Variants in EYA2 observed in about 807,000 individuals in gnomAD.
EYA2 encodes protein phosphatase EYA2.
A neutral mutation model predicts 69.2 loss-of-function variants in EYA2; 31 were observed. That is an observed-to-expected ratio of 0.45 (90% confidence interval 0.34 to 0.60). The LOEUF (loss-of-function observed/expected upper bound fraction) is 0.60. EYA2 is among the 20% of genes least tolerant of loss of function. The pLI is 0.02. For missense variants in EYA2, 622 were observed against 701.2 expected, an observed-to-expected ratio of 0.89 and a Z score of 1.28; for synonymous variants, 257 against 279.4, an observed-to-expected ratio of 0.92 and a Z score of 0.80.
intron 5 of EYA2, among the ~76,000 whole-genome samples, chr20:47,061,010 A>T (rs1053168320): frequency 1.1e-4 from 17 of 151,878 alleles, no homozygotes; most frequent in African/African-American, 3.9e-4. Flanking sequence ...GCCTGCCACC[A>T]TGCCCAGCTA....
intron 7 of EYA2, among the ~76,000 whole-genome samples, chr20:47,078,905 C>T (rs907433834): frequency 8.5e-5 from 13 of 152,186 alleles, no homozygotes; most frequent in Admixed American, 6.5e-4. Context: ...TTTAACTCAA[C>T]TATTCGACAT....
intron 5 of EYA2, among the ~76,000 whole-genome samples, chr20:47,064,715 C>T (rs2031043398): frequency 6.6e-6 from 1 of 152,054 alleles, no homozygotes; most frequent in Non-Finnish European, 1.5e-5. Flanking sequence ...AGTTTTCAGC[C>T]CAGACACTCG....
At chr20:46,956,266 G>A (rs1378782592) in intron 1 of EYA2, among the ~76,000 whole-genome samples, 1 of 152,184 alleles carries the variant, frequency 6.6e-6, no homozygotes, top group Non-Finnish European at 1.5e-5. Flanking sequence ...CAAAGCAATG[G>A]GTATAACCCC....
intron 5 of EYA2, among the ~76,000 whole-genome samples, chr20:47,047,412 A>C (rs897633865): frequency 9.1e-6 from 1 of 110,286 alleles, no homozygotes; most frequent in African/African-American, 3.9e-5. Flanking sequence ...TTTGAGACAA[A>C]GTCTCACTCC....
intron 1 of EYA2, among the ~76,000 whole-genome samples, chr20:46,975,531 T>C (rs1980406420): frequency 6.6e-6 from 1 of 151,894 alleles, no homozygotes; most frequent in Non-Finnish European, 1.5e-5. Flanking sequence ...TAAAATCAAA[T>C]AAAATGAAAA....
intron 4 of EYA2, among the ~76,000 whole-genome samples, chr20:47,009,915 CT>C (rs1373299349): frequency 6.6e-6 from 1 of 152,194 alleles, no homozygotes; most frequent in African/African-American, 2.4e-5. Context: ...TCTTTTGCAA[CT>C]TGCTTTTTCC....
intron 9 of EYA2, among the ~76,000 whole-genome samples, chr20:47,120,294 T>C (rs1158069798): frequency 1.3e-5 from 2 of 152,136 alleles, no homozygotes; most frequent in Non-Finnish European, 1.5e-5. Context: ...GAGGATCGCT[T>C]GAGCCCAGGA....
chr20:46,984,437 C>T (rs1412682429), intron 1 of EYA2, among the ~76,000 whole-genome samples: 2 of 151,556 alleles, frequency 1.3e-5, no homozygotes, highest in Non-Finnish European at 2.9e-5. Flanking sequence ...AAGATCTGAA[C>T]AGACAATTTC....
intron 1 of EYA2, among the ~76,000 whole-genome samples, chr20:46,974,899 G>A (rs376441514): frequency 6.6e-6 from 1 of 152,146 alleles, no homozygotes; most frequent in Non-Finnish European, 1.5e-5. Flanking sequence ...TTTGAAGGTT[G>A]CCTTTTGTGG....
intron 15 of EYA2, among the ~76,000 whole-genome samples, 179 bp downstream of exon 15, chr20:47,183,570 T>C (rs1052735502): frequency 6.6e-6 from 1 of 152,124 alleles, no homozygotes. Flanking sequence ...AGTAATTTCC[T>C]TCTACAAATC....
intron 1 of EYA2, among the ~76,000 whole-genome samples, chr20:46,925,338 A>G (rs549007397): frequency 5.3e-5 from 8 of 152,360 alleles, no homozygotes; most frequent in Non-Finnish European, 7.3e-5. Flanking sequence ...GACTGGCCCT[A>G]TGTAAAAATA....
intron 8 of EYA2, among the ~76,000 whole-genome samples, chr20:47,091,750 A>T (rs1264005025): frequency 6.6e-6 from 1 of 152,206 alleles, no homozygotes; most frequent in Admixed American, 6.5e-5. Flanking sequence ...ATCTCAAAAA[A>T]AAGAAACCAG....
intron 1 of EYA2, among the ~76,000 whole-genome samples, chr20:46,927,778 C>G (rs1187521638): frequency 6.6e-6 from 1 of 152,144 alleles, no homozygotes; most frequent in Non-Finnish European, 1.5e-5. Flanking sequence ...ATGCCCTGCC[C>G]TCTTACTAAA....
At chr20:46,987,315 T>A (rs77793162) in intron 1 of EYA2, among the ~76,000 whole-genome samples, 1 of 152,160 alleles carries the variant, frequency 6.6e-6, no homozygotes, top group South Asian at 2.1e-4. Context: ...TGAAATAGTA[T>A]CCTTCTTTTG....
At chr20:47,046,694 T>C (rs1361142714) in intron 5 of EYA2, among the ~76,000 whole-genome samples, 1 of 152,210 alleles carries the variant, frequency 6.6e-6, no homozygotes, top group African/African-American at 2.4e-5. Context: ...TCAAAATGTG[T>C]CGCCAGGTGG....
rs181672498 is a variant in EYA2, at chr20:47,042,584, T to C, written c.415+26287T>C. 7.2e-5 allele frequency among the ~76,000 whole-genome samples: 11 copies of C among 152,304 alleles called. No individual in the cohort carries two copies. The East Asian group carries it at 1.5e-3, about 21-fold the overall frequency. On this transcript the variant is annotated intron_variant, in intron 5 of 15. Transcript: ENST00000327619. ...TACAGGAGTTAGGCTGTATTTGAGC[T>C]TCCAGATGGCGGGAACCATCCCTTA...
At chr20:47,058,309 G>T (rs529754169) in intron 5 of EYA2, among the ~76,000 whole-genome samples, 21 of 152,362 alleles carry the variant, frequency 1.4e-4, no homozygotes, top group African/African-American at 4.6e-4. Flanking sequence ...GCCTGTAGGG[G>T]TGTAGGATGT....
intron 1 of EYA2, among the ~76,000 whole-genome samples, chr20:46,908,349 A>G (rs959994842): frequency 6.6e-6 from 1 of 152,258 alleles, no homozygotes; most frequent in African/African-American, 2.4e-5. Context: ...AGAGGAATGC[A>G]GCGCTGAAGG....
intron 9 of EYA2, among the ~76,000 whole-genome samples, chr20:47,129,858 G>A (rs1417038654): frequency 2.6e-5 from 4 of 152,178 alleles, no homozygotes; most frequent in Non-Finnish European, 5.9e-5. Context: ...GCAAAGCTCT[G>A]ATAAGAATTA....
Sources: gnomAD v4.1 joint callset for allele counts (sites outside exome capture counted in the v4.1 genomes callset) on GRCh38, gnomAD v4.1.1 for gene constraint, MANE v1.5 for transcripts, NCBI Gene and HGNC (gene_info 2026-07-23, HGNC 2026-07-21) for gene names.